Variants in HSD17B12 observed in about 807,000 individuals in gnomAD.
The protein encoded by HSD17B12 is very-long-chain 3-oxoacyl-CoA reductase.
In HSD17B12, 32 loss-of-function variants were observed where a neutral mutation model predicts 39.3. The ratio of observed to expected loss-of-function variants is 0.81; its 90% CI spans 0.61 to 1.09. The LOEUF is 1.09. Ranked by LOEUF, HSD17B12 falls within the 50% of genes least tolerant of loss-of-function variation. HSD17B12 has a pLI of 0.00. For missense variants in HSD17B12, 342 were observed against 382.9 expected, an observed-to-expected ratio of 0.89 and a Z score of 0.89; for synonymous variants, 150 against 146.7, an observed-to-expected ratio of 1.02 and a Z score of -0.16.
chr11:43,838,319 C>A lies in HSD17B12; in HGVS notation c.539C>A (p.Ser180Tyr). 2 of 1,611,466 alleles carry A rather than the reference C, an allele frequency of 1.2e-6. No homozygotes were observed. Among genetic ancestry groups the A allele is most frequent in the Non-Finnish European group, 1.7e-6 (2 of 1,177,810 alleles). ...ACACGGTACATTTTCCTTTTTAGAT[C>A]CAAAGGGGCTATTCTGAACATTTCA... The part of the protein sequence containing the change: ...QLVLPGMVER[S>Y]KGAILNISSG... Residue 180 changes from serine to tyrosine, a missense_variant and splice_region_variant, in exon 8 of 11, where the codon TCC becomes TAC. By Grantham distance (144) the Ser-to-Tyr change is moderately radical. Transcript: ENST00000278353.
chr11:43,637,724 T>C, the HSD17B12 span, among the ~76,000 whole-genome samples: 1 of 152,168 alleles, frequency 6.6e-6, no homozygotes, highest in Non-Finnish European at 1.5e-5. Context: ...GAAAAATGTG[T>C]GTTAATTTGT....
chr11:43,856,482 A>G lies in HSD17B12; in HGVS notation c.*1234A>G, dbSNP rs540343616. 4 of 152,368 alleles carry G rather than the reference A, an allele frequency of 2.6e-5. No homozygotes were observed. In the South Asian group the frequency reaches 8.3e-4, roughly 32 times the overall value. The allele number at this position is 152,368 out of a possible 1,614,324, so 9.4% of individuals were successfully genotyped here. On this transcript the variant is annotated 3_prime_UTR_variant, in exon 11 of 11. Transcript: ENST00000278353. Reference sequence around the variant, plus strand: ...GGACATAAAACAAAAATAAACAAACAAAAACAAATAGCCATCTGCTATCAG... The same window carrying G: ...GGACATAAAACAAAAATAAACAAACGAAAACAAATAGCCATCTGCTATCAG...
At chr11:43,825,793 A>G (rs1437785296) in intron 6 of HSD17B12, among the ~76,000 whole-genome samples, 1 of 152,246 alleles carries the variant, frequency 6.6e-6, no homozygotes, top group Non-Finnish European at 1.5e-5. Flanking sequence ...CGGCATGATA[A>G]CCACTCTGCA....
At chr11:43,622,031 G>A in the HSD17B12 span, among the ~76,000 whole-genome samples, 6 of 152,268 alleles carry the variant, frequency 3.9e-5, no homozygotes, top group South Asian at 1.2e-3. Context: ...CCTGTCACAG[G>A]TTTGGTTGAG....
the HSD17B12 span, among the ~76,000 whole-genome samples, chr11:43,570,948 A>C: frequency 6.6e-6 from 1 of 152,226 alleles, no homozygotes; most frequent in East Asian, 1.9e-4. Context: ...CAATAAGTAC[A>C]AAAAATCTTG....
intron 1 of HSD17B12, among the ~76,000 whole-genome samples, chr11:43,746,681 G>A (rs1950415453): frequency 6.6e-6 from 1 of 152,192 alleles, no homozygotes. Context: ...CAGTAGCATA[G>A]TTGTTTATTA....
chr11:43,606,597 A>C, the HSD17B12 span, among the ~76,000 whole-genome samples: 2 of 152,226 alleles, frequency 1.3e-5, no homozygotes, highest in African/African-American at 4.8e-5. Flanking sequence ...GAGGACTTCA[A>C]ATCTGATGAC....
intron 3 of HSD17B12, among the ~76,000 whole-genome samples, chr11:43,785,038 A>G (rs1950802893): frequency 6.6e-6 from 1 of 152,150 alleles, no homozygotes; most frequent in Non-Finnish European, 1.5e-5. Context: ...TTCTATAAAC[A>G]TAACATGAGG....
intron 4 of HSD17B12, among the ~76,000 whole-genome samples, chr11:43,804,705 C>G (rs1333577129): frequency 6.6e-6 from 1 of 152,018 alleles, no homozygotes; most frequent in East Asian, 1.9e-4. Flanking sequence ...TCCCGAAAAC[C>G]TAGTGTTTCC....
At chr11:43,767,036 T>C (rs1459375126) in intron 3 of HSD17B12, among the ~76,000 whole-genome samples, 2 of 152,212 alleles carry the variant, frequency 1.3e-5, no homozygotes, top group Non-Finnish European at 2.9e-5. Context: ...TTAAGGCAGC[T>C]GCTTGAATGT....
intron 1 of HSD17B12, among the ~76,000 whole-genome samples, chr11:43,737,399 C>T (rs1950326452): frequency 6.6e-6 from 1 of 152,172 alleles, no homozygotes; most frequent in Non-Finnish European, 1.5e-5. Flanking sequence ...AAGTGGAGCC[C>T]TGGTCAGTTG....
At chr11:43,590,506 A>ATTTTTTTTTTTTTTT in the HSD17B12 span, among the ~76,000 whole-genome samples, 203 of 51,610 alleles carry the variant, frequency 3.9e-3, 41 homozygotes, top group African/African-American at 0.013. Flanking sequence ...GGAGTGAGTG[A>ATTTTTTTTTTTTTTT]TTTTTTTTTT....
chr11:43,739,534 C>T (rs1172994605), intron 1 of HSD17B12, among the ~76,000 whole-genome samples: 1 of 152,150 alleles, frequency 6.6e-6, no homozygotes, highest in South Asian at 2.1e-4. Flanking sequence ...CTGCATCCTT[C>T]GAATGCTGTG....
chr11:43,577,071 T>C, the HSD17B12 span, among the ~76,000 whole-genome samples: 1 of 152,182 alleles, frequency 6.6e-6, no homozygotes. Flanking sequence ...AAATCTCTAC[T>C]CCTTTGACAA....
At chr11:43,681,081 C>A (rs1210841157) in intron 1 of HSD17B12, 94 bp downstream of exon 1, 3 of 1,403,506 alleles carry the variant, frequency 2.1e-6, no homozygotes, top group African/African-American at 1.5e-5. Context: ...TCCTGGCCTT[C>A]CCCTCCCCAG....
intron 9 of HSD17B12, among the ~76,000 whole-genome samples, chr11:43,847,516 G>C (rs1279844778): frequency 6.6e-6 from 1 of 152,050 alleles, no homozygotes; most frequent in Non-Finnish European, 1.5e-5. Context: ...ACCAGCCTGG[G>C]TAACATAGTG....
At chr11:43,620,533 A>G in the HSD17B12 span, among the ~76,000 whole-genome samples, 6 of 152,230 alleles carry the variant, frequency 3.9e-5, no homozygotes, top group Non-Finnish European at 7.3e-5. Context: ...AAATCACTTG[A>G]GAAAAGAGAA....
chr11:43,582,977 C>T, the HSD17B12 span, among the ~76,000 whole-genome samples: 8 of 152,194 alleles, frequency 5.3e-5, no homozygotes, highest in African/African-American at 1.7e-4. Context: ...CACCTGGGGC[C>T]GTCTGTGGAG....
intron 3 of HSD17B12, among the ~76,000 whole-genome samples, chr11:43,789,312 C>T (rs1950845370): frequency 6.6e-6 from 1 of 152,186 alleles, no homozygotes; most frequent in African/African-American, 2.4e-5. Context: ...TGAAGCCTGA[C>T]ACATGGGCAC....
Sources: allele counts gnomAD v4.1 joint callset (sites outside exome capture counted in the v4.1 genomes callset), GRCh38; gene constraint gnomAD v4.1.1; transcripts MANE v1.5; gene names NCBI Gene and HGNC (gene_info 2026-07-23, HGNC 2026-07-21).